The following DIDO1 variants were observed in gnomAD, a reference collection of about 807,000 sequenced individuals.
DIDO1 encodes death-inducer obliterator 1.
Under a neutral mutation model 99.4 loss-of-function variants are expected in DIDO1, and 16 were observed. The observed-to-expected ratio is 0.16, with a 90% CI of 0.11 to 0.24. The LOEUF (loss-of-function observed/expected upper bound fraction) is 0.24, where lower values mean the gene tolerates loss of function less well. Among genes scored for constraint, DIDO1 ranks in the 10% least tolerant of loss-of-function variants. DIDO1 has a pLI of 1.00. For synonymous variants in DIDO1, 1,366 were observed against 1,239.1 expected (o/e 1.10, Z -2.15); for missense variants, 2,996 against 3,014.0 (o/e 0.99, Z 0.14).
intron 1 of DIDO1, among the ~76,000 whole-genome samples, chr20:62,917,293 A>G (rs1218399569): frequency 1.3e-5 from 2 of 152,162 alleles, no homozygotes; most frequent in African/African-American, 2.4e-5. Context: ...CGCCTTCCAA[A>G]GTGCTGGGAT....
rs1362733734 is a variant in DIDO1, at chr20:62,905,458, G to T, written c.1588+429C>A. On this transcript the variant is annotated intron_variant, in intron 6 of 15. Transcript: ENST00000395343. ...AAAGAAGTGATGCTTTCATGTGCTG[G>T]CCGTGGACAATGTGGAAAAACTGAA... 2.6e-6 allele frequency: 4 copies of T among 1,538,798 alleles called. No homozygotes were observed. In the African/African-American group the frequency reaches 5.5e-5, roughly 21 times the overall value.
Position 62,880,409 on chromosome 20 carries a change from A to C in DIDO1, c.5547T>G (p.His1849Gln), listed in dbSNP as rs2064179633. ...PSQFEERKDP[H>Q]GEKREFQDAP... is the part of the protein sequence containing the mutation. ...CGTCCTGGAACTCCCTCTTCTCCCC[A>C]TGGGGATCCTTGCGTTCTTCAAATT... Residue 1849 changes from histidine (H) to glutamine (Q), a missense_variant, in exon 16 of 16, where the codon CAT becomes CAG. By Grantham distance (24) the His-to-Gln change is conservative. Around this residue, in one of 5 missense-constraint regions of DIDO1, gnomAD observed 1,562 missense variants for 1,412.6 expected, o/e 1.11. Coordinates refer to ENST00000395343, the MANE Select transcript of DIDO1 (RefSeq NM_001193369.2). 1 of 1,612,628 alleles carries C rather than the reference A, an allele frequency of 6.2e-7. No homozygotes were observed. The highest frequency in any genetic ancestry group is 1.7e-5 in the Admixed American group (1 of 60,004).
rs559754889 is a variant in DIDO1, at chr20:62,892,845, C to T, written c.3219G>A (p.Ala1073=). ...MQSVAKFVTK[A]YPVSGCFDYL... is the part of the protein sequence containing the mutation. The stretch of plus-strand genomic sequence containing the variant: ...AATCAAAACACCCAGAGACAGGATA[C>T]GCCTTAGTGACAAATTTTGCCACAC... Residue 1073 remains alanine, a synonymous_variant, in exon 13 of 16, where the codon GCG becomes GCA. Coordinates refer to ENST00000395343, the MANE Select transcript of DIDO1 (RefSeq NM_001193369.2). 637 of 1,613,998 alleles carry T rather than the reference C, an allele frequency of 3.9e-4. 10 individuals carry two copies. In the South Asian group the frequency reaches 5.9e-3, roughly 15 times the overall value.
chr20:62,907,436 C>A, intron 4 of DIDO1, 77 bp from the exon 5 acceptor site: 1 of 1,387,582 alleles, frequency 7.2e-7, no homozygotes. Flanking sequence ...TGTAAAATCA[C>A]CATTTATAGT....
In DIDO1 at chr20:62,909,794, T is replaced by C. The variant is rs1468718502; in HGVS notation, c.1066A>G (p.Ile356Val). The C allele has an allele frequency of 1.2e-6, 2 of 1,614,276 alleles. No homozygotes were observed. The highest frequency in any genetic ancestry group is 1.3e-5 in the African/African-American group (1 of 75,076). The change falls in exon 4 of 16, where the codon ATA (isoleucine) becomes GTA (valine). Residue 356 changes from isoleucine to valine, a missense_variant. This residue lies in a region of DIDO1 where 898 missense variants were observed against 972.7 expected (regional missense o/e 0.92). Transcript: ENST00000395343. ...DGTDCTSIGT[I>V]EQKSSEDQGI... ...TGGTCTTCGCTAGACTTCTGCTCTATTGTTCCTATACTTGTACAATCGGTG... is the reference window on the plus strand; with the variant it reads ...TGGTCTTCGCTAGACTTCTGCTCTACTGTTCCTATACTTGTACAATCGGTG...
At chr20:62,887,913 C>G in intron 15 of DIDO1, 2 of 985,450 alleles carry the variant, frequency 2.0e-6, no homozygotes, top group Non-Finnish European at 2.4e-6. Context: ...GCCCCCACTG[C>G]GGGGCAGAGG....
chr20:62,881,225 A>G lies in DIDO1; in HGVS notation c.4731T>C (p.Pro1577=), dbSNP rs757865365. 1.2e-6 allele frequency: 2 copies of G among 1,603,438 alleles called. No homozygotes were observed. The highest frequency in any genetic ancestry group is 2.2e-5 in the South Asian group (2 of 90,634). The part of the protein sequence containing the change: ...ATETGEGEGE[P]LSRLSARGAQ... ...CACCACGTGCCGAGAGCCTGGAGAG[A>G]GGCTCCCCCTCCCCCTCACCGGTCT... The change falls in exon 16 of 16, where the codon CCT becomes CCC. Residue 1577 remains proline, a synonymous_variant. Transcript: ENST00000395343. This position sits in a 1 kb window ranked among gnomAD's most constrained non-coding sequence, Gnocchi z 8.3.
intron 1 of DIDO1, among the ~76,000 whole-genome samples, chr20:62,922,898 C>T (rs1046100415): frequency 6.6e-6 from 1 of 152,190 alleles, no homozygotes; most frequent in African/African-American, 2.4e-5. Context: ...GTAGGAAGTA[C>T]ACACTAACTT....
chr20:62,887,967 G>C, intron 15 of DIDO1: 1 of 985,518 alleles, frequency 1.0e-6, no homozygotes, highest in African/African-American at 1.7e-5. Flanking sequence ...AAATCATTAA[G>C]ATATGCAAGG....
rs35714670 is a variant in DIDO1 at position 62,911,381 on chromosome 20, G to A, written c.232C>T (p.Leu78=). The A allele has an allele frequency of 5.0e-4, 801 of 1,612,258 alleles. 2 individuals carry two copies. The African/African-American group carries it at 9.5e-3, about 19-fold the overall frequency. Residue 78 remains leucine, a synonymous_variant, in exon 3 of 16, where the codon CTG becomes TTG. Coordinates refer to ENST00000395343, the MANE Select transcript of DIDO1 (RefSeq NM_001193369.2). The surrounding 1 kb of genome is among the most constrained non-coding windows in gnomAD (Gnocchi z 7.0). Reference sequence around the variant, plus strand: ...CTGCCGCGGCGCCGCGCAATGGTCAGGAACTGCTCCACGCGCTCAGTGCGC... The same window carrying A: ...CTGCCGCGGCGCCGCGCAATGGTCAAGAACTGCTCCACGCGCTCAGTGCGC... The part of the protein sequence containing the change: ...PKRTERVEQF[L]TIARRRGRRS...
rs747580449 is a variant in DIDO1 at position 62,880,572 on chromosome 20, G to A, written c.5384C>T (p.Pro1795Leu). Reference protein sequence around the residue: ...NIASNDGPRGPPPARFGAQKG... With the variant: ...NIASNDGPRGLPPARFGAQKG... The stretch of plus-strand genomic sequence containing the variant: ...CTGGGCTCCGAATCTGGCTGGCGGA[G>A]GCCCTCGTGGCCCATCGTTAGAAGC... The change falls in exon 16 of 16, where the codon CCT becomes CTT. Residue 1795 changes from proline (P) to leucine (L), a missense_variant. Physicochemically the swap from Pro to Leu is moderately conservative, Grantham distance 98 (BLOSUM62 -3). Coordinates refer to ENST00000395343, the MANE Select transcript of DIDO1 (RefSeq NM_001193369.2). 9 of 1,612,830 alleles carry A rather than the reference G, an allele frequency of 5.6e-6. No homozygotes were observed. The African/African-American group carries it at 9.3e-5, about 17-fold the overall frequency.
intron 15 of DIDO1, among the ~76,000 whole-genome samples, chr20:62,886,860 G>T (rs1334395066): frequency 1.3e-5 from 2 of 152,194 alleles, no homozygotes; most frequent in Admixed American, 6.5e-5. Flanking sequence ...AGAAAGACTT[G>T]GCAATTAAGG....
In DIDO1 at chr20:62,879,980, T is replaced by C. The variant is rs769160816; in HGVS notation, c.5976A>G (p.Leu1992=). 6.2e-7 allele frequency: 1 copy of C among 1,611,664 alleles called. No individual in the cohort carries two copies. Among genetic ancestry groups the C allele is most frequent in the Non-Finnish European group, 8.5e-7 (1 of 1,179,754 alleles). Residue 1992 remains leucine, a synonymous_variant, in exon 16 of 16, where the codon CTA becomes CTG. Transcript: ENST00000395343. This position sits in a 1 kb window ranked among gnomAD's most constrained non-coding sequence, Gnocchi z 6.3. ...RAPAPLQFGG[L]RGSAPFSEKN... ...TTTCAGAAAAGGGTGCGGACCCCCG[T>C]AGTCCACCAAACTGCAGGGGTGCAG...
At chr20:62,883,654 G>A (rs1452828343) in intron 15 of DIDO1, among the ~76,000 whole-genome samples, 25 of 152,194 alleles carry the variant, frequency 1.6e-4, no homozygotes, top group African/African-American at 5.1e-4. Flanking sequence ...GTGAAACCCC[G>A]TCTCTACTAA....
At chr20:62,915,436 G>A (rs1752623888) in intron 1 of DIDO1, among the ~76,000 whole-genome samples, 2 of 152,214 alleles carry the variant, frequency 1.3e-5, no homozygotes, top group African/African-American at 4.8e-5. Flanking sequence ...CGACTGCTCA[G>A]AAAACACTGG....
chr20:62,898,504 G>A (rs547242181), intron 6 of DIDO1, among the ~76,000 whole-genome samples: 32 of 152,134 alleles, frequency 2.1e-4, no homozygotes, highest in Non-Finnish European at 3.8e-4. Context: ...ACAGATATTC[G>A]CCCCGACTTT....
chr20:62,910,742 G>A (rs764082333), intron 3 of DIDO1, 32 bp downstream of exon 3: 11 of 1,588,704 alleles, frequency 6.9e-6, no homozygotes, highest in South Asian at 1.1e-5. Flanking sequence ...TTGCAACCCT[G>A]GGATTTCTGT....
intron 12 of DIDO1, 57 bp from the exon 13 acceptor site, chr20:62,893,019 A>C: frequency 6.5e-7 from 1 of 1,540,400 alleles, no homozygotes; most frequent in Non-Finnish European, 8.7e-7. Flanking sequence ...TGAGAATTTC[A>C]AAAGTAGAAA....
At chr20:62,897,142 A>C (rs1310487348) in intron 6 of DIDO1, 146 bp from the exon 7 acceptor site, 3 of 757,624 alleles carry the variant, frequency 4.0e-6, no homozygotes, top group Non-Finnish European at 6.2e-6. Flanking sequence ...GATTTGTAAA[A>C]TGTTAGTGTT....
Sources: allele counts gnomAD v4.1 joint callset (sites outside exome capture counted in the v4.1 genomes callset), GRCh38; gene constraint gnomAD v4.1.1; regional missense constraint gnomAD v4.1.1; non-coding constraint Gnocchi (gnomAD v3.1); transcripts MANE v1.5; gene names NCBI Gene and HGNC (gene_info 2026-07-23, HGNC 2026-07-21).